Variants in SVEP1 observed in about 807,000 individuals in gnomAD.
The protein encoded by SVEP1 is sushi, von Willebrand factor type A, EGF and pentraxin domain containing 1.
Under a neutral mutation model 367.3 loss-of-function variants are expected in SVEP1, and 164 were observed. The ratio of observed to expected loss-of-function variants is 0.45; its 90% CI spans 0.39 to 0.51. The LOEUF (loss-of-function observed/expected upper bound fraction) is 0.51, where lower values mean the gene tolerates loss of function less well. SVEP1 is among the 20% of genes least tolerant of loss of function. The pLI is 0.00. For synonymous variants in SVEP1, 1,666 were observed against 1,611.6 expected, an observed-to-expected ratio of 1.03 and a Z score of -0.81; for missense variants, 4,117 against 4,425.3, an observed-to-expected ratio of 0.93 and a Z score of 1.98.
At chr9:110,528,349 G>A (rs1829972945) in intron 3 of SVEP1, among the ~76,000 whole-genome samples, 1 of 151,114 alleles carries the variant, frequency 6.6e-6, no homozygotes, top group Admixed American at 6.6e-5. Context: ...GGAATGAATG[G>A]CAGATCCACT....
At chr9:110,465,717 AAAC>A (rs2118653445) in intron 18 of SVEP1, 145 bp downstream of exon 18, 1 of 1,078,652 alleles carries the variant, frequency 9.3e-7, no homozygotes, top group South Asian at 2.1e-5. Context: ...AAAAGAAACT[AAAC>A]AAACAAAAAA....
intron 26 of SVEP1, 25 bp downstream of exon 26, chr9:110,445,812 T>G (rs983325717): frequency 1.2e-6 from 2 of 1,612,438 alleles, no homozygotes; most frequent in Non-Finnish European, 1.7e-6. Flanking sequence ...ATCTTAAGCA[T>G]AGCCTTCCCG....
intron 3 of SVEP1, among the ~76,000 whole-genome samples, chr9:110,533,342 T>A (rs534303976): frequency 3.7e-4 from 56 of 152,318 alleles, no homozygotes; most frequent in African/African-American, 1.3e-3. Flanking sequence ...ACGAGCCTAC[T>A]ATTATTAACC....
chr9:110,395,762 T>C (rs1827748545), intron 40 of SVEP1, among the ~76,000 whole-genome samples: 1 of 151,656 alleles, frequency 6.6e-6, no homozygotes, highest in Non-Finnish European at 1.5e-5. Flanking sequence ...AAGAAGGCCA[T>C]TACATAATGG....
Position 110,407,164 on chromosome 9 carries a change from C to T in SVEP1, c.8436G>A (p.Arg2812=), listed in dbSNP as rs367999136. 2 of 1,613,978 alleles carry T rather than the reference C, an allele frequency of 1.2e-6. No homozygotes were observed. Among genetic ancestry groups the T allele is most frequent in the Non-Finnish European group, 1.7e-6 (2 of 1,179,892 alleles). Residue 2812 remains arginine, a synonymous_variant, in exon 38 of 48, where the codon AGG becomes AGA. Transcript: ENST00000374469. ...AGTTTTTGTCATCCTGGCATGTTCT[C>T]CTCTCAGTGCCATTCAGCACATATC... ...DPGYVLNGTE[R]RTCQDDKNWD...
Position 110,546,311 on chromosome 9 carries a change from G to A in SVEP1, c.788-20C>T. The A allele has an allele frequency of 6.4e-7, 1 of 1,564,782 alleles. No individual in the cohort carries two copies. On this transcript the variant is annotated intron_variant, in intron 2 of 47. Transcript: ENST00000374469. ...GTAGATCTACAAATAACATATGACA[G>A]AGGGCGATAAAAATGAGTCACAGTT...
intron 43 of SVEP1, among the ~76,000 whole-genome samples, chr9:110,385,212 C>T (rs1406114576): frequency 2.6e-5 from 4 of 152,114 alleles, no homozygotes; most frequent in African/African-American, 7.2e-5. Flanking sequence ...AACTCCTGAC[C>T]TCAGGTGATC....
At chr9:110,448,452 T>C (rs1287886664) in intron 24 of SVEP1, among the ~76,000 whole-genome samples, 1 of 152,228 alleles carries the variant, frequency 6.6e-6, no homozygotes, top group East Asian at 1.9e-4. Flanking sequence ...TAGGAATAAC[T>C]GGTGTTTGGA....
chr9:110,443,438 A>T, intron 27 of SVEP1, 107 bp downstream of exon 27: 1 of 1,022,338 alleles, frequency 9.8e-7, no homozygotes, highest in Non-Finnish European at 1.3e-6. Flanking sequence ...GATAGCTGTT[A>T]ATCTTTGTTT....
intron 19 of SVEP1, 149 bp from the exon 20 acceptor site, chr9:110,458,711 G>A: frequency 1.1e-6 from 1 of 906,534 alleles, no homozygotes; most frequent in African/African-American, 1.7e-5. Context: ...AAACAGAGAT[G>A]GATGGCATAC....
chr9:110,490,654 A>T (rs1362580970), intron 8 of SVEP1, among the ~76,000 whole-genome samples: 1 of 152,106 alleles, frequency 6.6e-6, no homozygotes. Context: ...AAACCCAATC[A>T]TTAACATTTT....
At chr9:110,483,538 A>C (rs750433650) in intron 10 of SVEP1, 48 bp downstream of exon 10, 61 of 1,404,686 alleles carry the variant, frequency 4.3e-5, no homozygotes, top group Middle Eastern at 1.8e-4. Context: ...TTAAAATAAA[A>C]AAGAATTCAT....
At chr9:110,457,999 G>GT (rs398039650) in intron 20 of SVEP1, 1 of 384,632 alleles carries the variant, frequency 2.6e-6, no homozygotes, top group African/African-American at 2.1e-5. Flanking sequence ...AAAGCATTTG[G>GT]TTTAGCTATA....
Position 110,407,596 on chromosome 9 carries a change from A to C in SVEP1, c.8004T>G (p.Pro2668=). The change falls in exon 38 of 48, where the codon CCT becomes CCG. Residue 2668 remains proline (P), a synonymous_variant. Coordinates refer to ENST00000374469, the MANE Select transcript of SVEP1 (RefSeq NM_153366.4). ...ACAGAAAGTTTGATGAATGTGTAGC[A>C]GGAGACTCCTTTGTATTTTCCCAGG... ...AKTWENTKES[P]ATHSSNFLYG... 1 of 1,614,018 alleles carries C rather than the reference A, an allele frequency of 6.2e-7. No homozygotes were observed. Among genetic ancestry groups the C allele is most frequent in the Non-Finnish European group, 8.5e-7 (1 of 1,179,870 alleles).
intron 10 of SVEP1, 125 bp downstream of exon 10, chr9:110,483,461 T>C: frequency 4.0e-6 from 2 of 505,704 alleles, no homozygotes; most frequent in Non-Finnish European, 3.4e-6. Context: ...TGTTAACTTA[T>C]ATAATTATTC....
chr9:110,537,709 AG>A (rs1830095138), intron 3 of SVEP1, among the ~76,000 whole-genome samples: 1 of 151,986 alleles, frequency 6.6e-6, no homozygotes, highest in African/African-American at 2.4e-5. Context: ...AGATTTTAGT[AG>A]GTATATTTGA....
At chr9:110,382,007 C>G (rs1433906570) in intron 43 of SVEP1, among the ~76,000 whole-genome samples, 1 of 152,030 alleles carries the variant, frequency 6.6e-6, no homozygotes, top group East Asian at 1.9e-4. Context: ...AAATACAACC[C>G]CTATTTTTTT....
chr9:110,469,203 T>C (rs2118662876), intron 16 of SVEP1, 102 bp from the exon 17 acceptor site: 1 of 1,252,368 alleles, frequency 8.0e-7, no homozygotes, highest in South Asian at 1.6e-5. Context: ...TGCTTGAAGG[T>C]GCTATTGTTT....
At chr9:110,569,474 A>AAAT (rs1371510959) in intron 1 of SVEP1, among the ~76,000 whole-genome samples, 2 of 151,294 alleles carry the variant, frequency 1.3e-5, no homozygotes, top group South Asian at 2.1e-4. Context: ...AAAAAAAAAA[A>AAAT]TTTGAGGCTA....
Sources: gnomAD v4.1 joint callset for allele counts (sites outside exome capture counted in the v4.1 genomes callset) on GRCh38, gnomAD v4.1.1 for gene constraint, MANE v1.5 for transcripts, NCBI Gene and HGNC (gene_info 2026-07-23, HGNC 2026-07-21) for gene names.